Variants in ARHGEF28 observed in about 807,000 individuals in gnomAD.
ARHGEF28 encodes the protein Rho guanine nucleotide exchange factor 28.
In ARHGEF28, 152 loss-of-function variants were observed where a neutral mutation model predicts 206.6. The ratio of observed to expected loss-of-function variants is 0.74; its 90% CI spans 0.64 to 0.84. The LOEUF is 0.84. ARHGEF28 is among the 40% of genes least tolerant of loss of function. The probability of loss-of-function intolerance (pLI) is 0.00; values close to 1 mark genes in which losing one functional copy is unlikely to be tolerated. For missense variants in ARHGEF28, 2,028 were observed against 2,073.2 expected, an observed-to-expected ratio of 0.98 and a Z score of 0.42; for synonymous variants, 763 against 776.4, an observed-to-expected ratio of 0.98 and a Z score of 0.29.
At chr5:73,723,646 A>G (rs895857908) in intron 2 of ARHGEF28, among the ~76,000 whole-genome samples, 2 of 152,254 alleles carry the variant, frequency 1.3e-5, no homozygotes, top group African/African-American at 4.8e-5. Context: ...CAAAAAAACC[A>G]GTTCCCCCAT....
intron 2 of ARHGEF28, among the ~76,000 whole-genome samples, chr5:73,747,670 G>C (rs757461755): frequency 6.6e-6 from 1 of 152,000 alleles, no homozygotes; most frequent in Non-Finnish European, 1.5e-5. Flanking sequence ...ATGTTTTTCT[G>C]GTTACCATAT....
intron 16 of ARHGEF28, among the ~76,000 whole-genome samples, chr5:73,864,580 A>C (rs760758002): frequency 1.3e-5 from 2 of 152,228 alleles, no homozygotes; most frequent in Non-Finnish European, 2.9e-5. Flanking sequence ...AATTGATAAG[A>C]TCCTGTGTAT....
chr5:73,702,956 A>T (rs1748690047), intron 2 of ARHGEF28, among the ~76,000 whole-genome samples: 1 of 152,224 alleles, frequency 6.6e-6, no homozygotes, highest in Admixed American at 6.5e-5. Context: ...TTGAGATAGC[A>T]AGAGTTTATA....
At chr5:73,697,019 G>A (rs1254187253) in intron 2 of ARHGEF28, among the ~76,000 whole-genome samples, 2 of 152,186 alleles carry the variant, frequency 1.3e-5, no homozygotes, top group Non-Finnish European at 2.9e-5. Flanking sequence ...TAAATTTGGA[G>A]GTTTGGGGAA....
Position 73,880,009 on chromosome 5 carries a change from G to C in ARHGEF28, c.2815-2463G>C, listed in dbSNP as rs192860038. 1.0e-3 allele frequency among the ~76,000 whole-genome samples: 159 copies of C among 152,340 alleles called. 2 individuals are homozygous for C. Among genetic ancestry groups the C allele is most frequent in the African/African-American group, 3.6e-3 (150 of 41,584 alleles). ...CAGAGTTACTGCTGTCTTTTTGTTT[G>C]TCTGTGCCCTGCCCCCAGCGGTGGA... On this transcript the variant is annotated intron_variant, in intron 22 of 35. Transcript: ENST00000513042.
chr5:73,846,069 C>T lies in ARHGEF28; in HGVS notation c.1428-199C>T, dbSNP rs2973572. Among the ~76,000 whole-genome samples the T allele has an allele frequency of 0.49, 73,241 of 148,908 alleles. 18,452 individuals carry two copies. Among genetic ancestry groups the T allele is most frequent in the African/African-American group, 0.59 (23,676 of 40,410 alleles). On this transcript the variant is annotated intron_variant, in intron 11 of 35. Coordinates refer to ENST00000513042, the MANE Select transcript of ARHGEF28 (RefSeq NM_001177693.2). ...CTTTTGCTAGGTAGGAATGTTCATT[C>T]GGGGTAACATAAAATTTTGTTTAAA...
intron 10 of ARHGEF28, among the ~76,000 whole-genome samples, chr5:73,839,957 T>G (rs564465387): frequency 6.6e-6 from 1 of 152,310 alleles, no homozygotes; most frequent in African/African-American, 2.4e-5. Context: ...CTCAAGTATT[T>G]AAAACATTTC....
chr5:73,894,115 T>TA (rs144282783), intron 28 of ARHGEF28, among the ~76,000 whole-genome samples: 1,838 of 152,286 alleles, frequency 0.012, 36 homozygotes, highest in African/African-American at 0.042. Flanking sequence ...AAACAAAGAA[T>TA]AGCTTTGCAA....
In ARHGEF28 at chr5:73,941,803, G is replaced by GT. The variant is rs532920064; in HGVS notation, c.*796dup. The stretch of plus-strand genomic sequence containing the variant: ...TCCCTGGAAAGAACCCTTCCCTGCA[G>GT]TTTTTTAAGGACAAAACTGCCCACT... On this transcript the variant is annotated 3_prime_UTR_variant, in exon 36 of 36. Transcript: ENST00000513042. 6.6e-6 allele frequency: 1 copy of GT among 152,164 alleles called. No individual in the cohort carries two copies. The highest frequency in any genetic ancestry group is 1.5e-5 in the Non-Finnish European group (1 of 68,046). 9.4% of individuals were successfully genotyped at this position (152,164 alleles called of 1,614,324 possible). A position where few individuals can be genotyped will look rare whatever the true frequency, so the allele number is the denominator to read the frequency against.
intron 11 of ARHGEF28, among the ~76,000 whole-genome samples, chr5:73,841,577 G>A (rs912770448): frequency 2.6e-5 from 4 of 151,992 alleles, no homozygotes; most frequent in African/African-American, 4.8e-5. Flanking sequence ...ATGGTGGCAC[G>A]CACATGTGGT....
intron 11 of ARHGEF28, 121 bp downstream of exon 11, chr5:73,840,881 TC>T (rs1182364550): frequency 3.1e-5 from 36 of 1,145,434 alleles, no homozygotes; most frequent in Non-Finnish European, 4.3e-5. Context: ...CATCAAAATG[TC>T]CCCTTTTAGG....
chr5:73,831,910 C>T (rs967626423), intron 9 of ARHGEF28, among the ~76,000 whole-genome samples: 2 of 152,176 alleles, frequency 1.3e-5, no homozygotes, highest in Non-Finnish European at 2.9e-5. Context: ...AGGCTGGTCT[C>T]GAGCTCCCAA....
chr5:73,662,501 C>A (rs1470387852), intron 1 of ARHGEF28, among the ~76,000 whole-genome samples: 1 of 152,122 alleles, frequency 6.6e-6, no homozygotes, highest in African/African-American at 2.4e-5. Context: ...TCTTTGGTTT[C>A]TCTTGGTGTG....
chr5:73,692,444 T>G (rs1246045769), intron 2 of ARHGEF28, among the ~76,000 whole-genome samples: 1 of 152,230 alleles, frequency 6.6e-6, no homozygotes, highest in Non-Finnish European at 1.5e-5. Context: ...TGTTTCCAGC[T>G]GGATCTAAGA....
At chr5:73,862,761 CA>C (rs936656558) in intron 16 of ARHGEF28, among the ~76,000 whole-genome samples, 1 of 150,422 alleles carries the variant, frequency 6.6e-6, no homozygotes, top group Non-Finnish European at 1.5e-5. Context: ...TTTTCTATTT[CA>C]AAAAAAAGTT....
intron 3 of ARHGEF28, among the ~76,000 whole-genome samples, chr5:73,752,170 C>G (rs1163697603): frequency 6.6e-6 from 1 of 151,290 alleles, no homozygotes; most frequent in Non-Finnish European, 1.5e-5. Context: ...AAAAATCTGC[C>G]AAGGGCAGCA....
chr5:73,792,529 T>TG (rs1246932104), intron 7 of ARHGEF28, among the ~76,000 whole-genome samples: 1 of 152,150 alleles, frequency 6.6e-6, no homozygotes, highest in African/African-American at 2.4e-5. Flanking sequence ...AGTTTATGGC[T>TG]GAGATGACTT....
chr5:73,863,415 G>A (rs978197897), intron 16 of ARHGEF28: 2 of 151,964 alleles, frequency 1.3e-5, no homozygotes, highest in South Asian at 2.1e-4. Flanking sequence ...ATAATTATAC[G>A]CTTCCTCTTC....
At chr5:73,637,405 C>T (rs748123338) in intron 1 of ARHGEF28, among the ~76,000 whole-genome samples, 2 of 152,142 alleles carry the variant, frequency 1.3e-5, no homozygotes, top group Non-Finnish European at 2.9e-5. Context: ...ATCTGTAAAA[C>T]CTCTAGTATT....
Sources: allele counts gnomAD v4.1 joint callset (sites outside exome capture counted in the v4.1 genomes callset), GRCh38; gene constraint gnomAD v4.1.1; transcripts MANE v1.5; gene names NCBI Gene and HGNC (gene_info 2026-07-23, HGNC 2026-07-21).